Variants in ADAMTS14 observed in about 807,000 individuals in gnomAD.
ADAMTS14 encodes ADAM metallopeptidase with thrombospondin type 1 motif 14.
A neutral mutation model predicts 128.6 loss-of-function variants in ADAMTS14; 100 were observed. The observed-to-expected ratio is 0.78, with a 90% CI of 0.66 to 0.92. ADAMTS14 has a LOEUF of 0.92. ADAMTS14 is among the 40% of genes least tolerant of loss of function. ADAMTS14 has a pLI of 0.00. For missense variants in ADAMTS14, 1,562 were observed against 1,658.6 expected, an observed-to-expected ratio of 0.94 and a Z score of 1.01; for synonymous variants, 665 against 653.8, an observed-to-expected ratio of 1.02 and a Z score of -0.26.
Position 70,745,954 on chromosome 10 carries a change from G to A in ADAMTS14, c.2263+648G>A, listed in dbSNP as rs569102935. On this transcript the variant is annotated intron_variant, in intron 15 of 21. Coordinates refer to ENST00000373207, the MANE Select transcript of ADAMTS14 (RefSeq NM_080722.4). ...TTATTCACATTATATCTGTCACATAGTCCTCAGGAATGGCTTGTGTCATGT... is the reference window on the plus strand; with the variant it reads ...TTATTCACATTATATCTGTCACATAATCCTCAGGAATGGCTTGTGTCATGT... Among the ~76,000 whole-genome samples the A allele has an allele frequency of 2.6e-5, 4 of 152,280 alleles. No homozygotes were observed. The South Asian group carries it at 8.3e-4, about 32-fold the overall frequency.
chr10:70,708,841 A>ACCCCT, intron 4 of ADAMTS14, 63 bp downstream of exon 4: 1 of 1,263,062 alleles, frequency 7.9e-7, no homozygotes, highest in Admixed American at 2.6e-5. Context: ...ACCCCACCCC[A>ACCCCT]CTGGGCCCCA....
At chr10:70,747,543 T>C (rs1489710834) in intron 15 of ADAMTS14, among the ~76,000 whole-genome samples, 8 of 152,174 alleles carry the variant, frequency 5.3e-5, no homozygotes, top group Non-Finnish European at 1.2e-4. Context: ...TCACGGACAC[T>C]GCATCCCCAG....
intron 4 of ADAMTS14, among the ~76,000 whole-genome samples, chr10:70,709,496 T>TTG (rs10641202): frequency 6.6e-4 from 1 of 1,524 alleles, no homozygotes; most frequent in Non-Finnish European, 1.9e-3. Flanking sequence ...ACATTTCCAG[T>TTG]TTTTTTTTTT....
At chr10:70,682,155 G>C (rs1375841696) in intron 2 of ADAMTS14, among the ~76,000 whole-genome samples, 1 of 152,186 alleles carries the variant, frequency 6.6e-6, no homozygotes, top group African/African-American at 2.4e-5. Flanking sequence ...TGGGCCCCTG[G>C]GTTGGAGGGG....
intron 4 of ADAMTS14, among the ~76,000 whole-genome samples, chr10:70,708,992 C>T (rs770682562): frequency 3.3e-5 from 5 of 152,232 alleles, no homozygotes; most frequent in South Asian, 2.1e-4. Flanking sequence ...GCCTGACTTG[C>T]GTCCCAGGCT....
At chr10:70,681,809 C>T (rs1839816011) in intron 2 of ADAMTS14, among the ~76,000 whole-genome samples, 1 of 152,268 alleles carries the variant, frequency 6.6e-6, no homozygotes, top group East Asian at 1.9e-4. Flanking sequence ...ACATCTTGAC[C>T]TGCAGGCCTC....
At chr10:70,729,888 G>A (rs1424233879) in intron 5 of ADAMTS14, among the ~76,000 whole-genome samples, 2 of 152,206 alleles carry the variant, frequency 1.3e-5, no homozygotes, top group African/African-American at 2.4e-5. Flanking sequence ...CGGCAGAAAC[G>A]CATCTCAGCA....
rs1279253609 is a variant in ADAMTS14 at position 70,672,597 on chromosome 10, G to T, written c.-206G>T. 6.6e-6 allele frequency among the ~76,000 whole-genome samples: 1 copy of T among 151,752 alleles called. No individual in the cohort carries two copies. Among genetic ancestry groups the T allele is most frequent in the Admixed American group, 6.6e-5 (1 of 15,244 alleles). On this transcript the variant is annotated 5_prime_UTR_variant, in exon 1 of 22. Transcript: ENST00000373207. ...CGCTCTCCAGCCGGCAGCCTCGCGC[G>T]CCCGGAGCCAGCGGTCCAGGCGGCG...
At chr10:70,716,390 G>A (rs1006293010) in intron 4 of ADAMTS14, among the ~76,000 whole-genome samples, 1 of 152,228 alleles carries the variant, frequency 6.6e-6, no homozygotes, top group African/African-American at 2.4e-5. Context: ...GCTTAAAGGA[G>A]CCATGACCTT....
intron 4 of ADAMTS14, among the ~76,000 whole-genome samples, chr10:70,710,900 A>G (rs755861881): frequency 1.5e-4 from 23 of 152,172 alleles, no homozygotes; most frequent in Non-Finnish European, 2.6e-4. Context: ...ACCCCACGTC[A>G]TGTCAGTCCC....
Position 70,674,917 on chromosome 10 carries a change from A to G in ADAMTS14, c.444A>G (p.Leu148=), listed in dbSNP as rs1456946111. 1.2e-6 allele frequency: 2 copies of G among 1,613,166 alleles called. No homozygotes were observed. The highest frequency in any genetic ancestry group is 1.7e-6 in the Non-Finnish European group (2 of 1,180,046). ...EDFRELFRQP[L]RQECVYTGGV... ...TTCGGGAGCTGTTCCGGCAGCCCTT[A>G]CGGCAGGAGTGTGTGTACACTGGAG... Residue 148 remains leucine, a synonymous_variant, in exon 2 of 22, where the codon TTA becomes TTG. Coordinates refer to ENST00000373207, the MANE Select transcript of ADAMTS14 (RefSeq NM_080722.4).
intron 19 of ADAMTS14, among the ~76,000 whole-genome samples, 193 bp from the exon 20 acceptor site, chr10:70,757,769 G>T (rs10823612): frequency 6.6e-6 from 1 of 151,982 alleles, no homozygotes; most frequent in South Asian, 2.1e-4. Flanking sequence ...TTGGCAACAG[G>T]TACAGTGTCC....
At chr10:70,724,582 C>T (rs533431406) in intron 4 of ADAMTS14, among the ~76,000 whole-genome samples, 22 of 152,318 alleles carry the variant, frequency 1.4e-4, no homozygotes, top group African/African-American at 2.2e-4. Flanking sequence ...ATGTGTCACA[C>T]GGCCTCTGCA....
rs1270258096 is a variant in ADAMTS14 at position 70,752,110 on chromosome 10, A to G, written c.2612A>G (p.Lys871Arg). 3.7e-6 allele frequency: 6 copies of G among 1,612,946 alleles called. No individual in the cohort carries two copies. Among genetic ancestry groups the G allele is most frequent in the Non-Finnish European group, 5.1e-6 (6 of 1,179,842 alleles). ...CACCCCATAGGGATCCAGTTCACCA[A>G]ATACGGCTGCCGGCGCAGACGAGAC... Reference protein sequence around the residue: ...KACGGGIQFTKYGCRRRRDHH... With the variant: ...KACGGGIQFTRYGCRRRRDHH... Residue 871 changes from lysine (K) to arginine (R), a missense_variant, in exon 18 of 22, where the codon AAA (lysine) becomes AGA (arginine). Physicochemically the swap from Lys to Arg is conservative, Grantham distance 26 (BLOSUM62 2). Coordinates refer to ENST00000373207, the MANE Select transcript of ADAMTS14 (RefSeq NM_080722.4).
In ADAMTS14 at chr10:70,757,970, C is replaced by T. The variant is rs1301415603; in HGVS notation, c.2946C>T (p.Ala982=). The T allele has an allele frequency of 1.9e-6, 3 of 1,610,448 alleles. No homozygotes were observed. Among genetic ancestry groups the T allele is most frequent in the African/African-American group, 1.3e-5 (1 of 74,920 alleles). The change falls in exon 20 of 22, where the codon GCC becomes GCT. Residue 982 remains alanine, a synonymous_variant. Coordinates refer to ENST00000373207, the MANE Select transcript of ADAMTS14 (RefSeq NM_080722.4). Reference sequence around the variant, plus strand: ...TGACCCACCCACGGCAGTGCTCTGCCACCTGTGGAGAGGGCATCCAGCAGC... The same window carrying T: ...TGACCCACCCACGGCAGTGCTCTGCTACCTGTGGAGAGGGCATCCAGCAGC... The part of the protein sequence containing the change: ...WRLGAWSQCS[A]TCGEGIQQRQ...
At chr10:70,742,202 G>A (rs1489139393) in intron 12 of ADAMTS14, among the ~76,000 whole-genome samples, 1 of 152,166 alleles carries the variant, frequency 6.6e-6, no homozygotes, top group Non-Finnish European at 1.5e-5. Flanking sequence ...CCTTCGCACT[G>A]TTGCTGCCCA....
chr10:70,727,834 G>T (rs1841493101), intron 4 of ADAMTS14, among the ~76,000 whole-genome samples: 1 of 152,262 alleles, frequency 6.6e-6, no homozygotes, highest in South Asian at 2.1e-4. Flanking sequence ...GGTGGCTCAC[G>T]CCTGTAATCC....
chr10:70,717,130 G>A (rs978166806), intron 4 of ADAMTS14, among the ~76,000 whole-genome samples: 6 of 152,208 alleles, frequency 3.9e-5, no homozygotes, highest in African/African-American at 9.7e-5. Flanking sequence ...TAGTGAGTAC[G>A]TGTTGTGTGC....
intron 7 of ADAMTS14, among the ~76,000 whole-genome samples, chr10:70,733,311 A>G (rs1841709053): frequency 6.6e-6 from 1 of 152,348 alleles, no homozygotes; most frequent in South Asian, 2.1e-4. Context: ...GTGAAGAGCA[A>G]ACTTTTAAAT....
Sources: gnomAD v4.1 joint callset for allele counts (sites outside exome capture counted in the v4.1 genomes callset) on GRCh38, gnomAD v4.1.1 for gene constraint, MANE v1.5 for transcripts, NCBI Gene and HGNC (gene_info 2026-07-23, HGNC 2026-07-21) for gene names.